FILIP1L: variants seen among roughly 807,000 people sequenced by gnomAD.
FILIP1L encodes filamin A-interacting protein 1-like.
A neutral mutation model predicts 96.6 loss-of-function variants in FILIP1L; 55 were observed. The ratio of observed to expected loss-of-function variants is 0.57; its 90% confidence interval spans 0.46 to 0.71. FILIP1L has a LOEUF of 0.71. FILIP1L is among the 30% of genes least tolerant of loss of function. FILIP1L has a pLI of 0.00. For synonymous variants in FILIP1L, 467 were observed against 473.9 expected (o/e 0.99, Z 0.19); for missense variants, 1,304 against 1,321.2 (o/e 0.99, Z 0.20).
intron 4 of FILIP1L, among the ~76,000 whole-genome samples, chr3:99,907,128 G>A (rs2107634447): frequency 6.6e-6 from 1 of 152,204 alleles, no homozygotes; most frequent in East Asian, 1.9e-4. Context: ...AGCATATACT[G>A]GAAGCAGCCC....
intron 1 of FILIP1L, among the ~76,000 whole-genome samples, chr3:100,029,322 C>T (rs545035016): frequency 3.4e-4 from 51 of 151,942 alleles, no homozygotes; most frequent in Non-Finnish European, 6.8e-4. Flanking sequence ...GTTTTAGTCA[C>T]ATAACACTAT....
At chr3:99,989,693 CT>C (rs199895279) in intron 1 of FILIP1L, among the ~76,000 whole-genome samples, 1 of 140,522 alleles carries the variant, frequency 7.1e-6, no homozygotes. Context: ...TATTTTTTTT[CT>C]TTTTTTTGCA....
chr3:100,025,406 TTCTTC>T (rs2064900808), intron 1 of FILIP1L: 1 of 152,228 alleles, frequency 6.6e-6, no homozygotes, highest in African/African-American at 2.4e-5. Flanking sequence ...ATCACTTTCC[TTCTTC>T]TCTTCCTTCC....
intron 1 of FILIP1L, among the ~76,000 whole-genome samples, chr3:100,039,296 T>C (rs1559735764): frequency 6.6e-6 from 1 of 152,194 alleles, no homozygotes; most frequent in Non-Finnish European, 1.5e-5. Context: ...TTGATCACAG[T>C]AGTACAGCCT....
intron 5 of FILIP1L, among the ~76,000 whole-genome samples, chr3:99,833,574 G>A (rs970903176): frequency 3.9e-5 from 6 of 152,224 alleles, no homozygotes; most frequent in Admixed American, 3.3e-4. Flanking sequence ...TCAGATCTCA[G>A]ACAGCTGGAG....
chr3:100,056,840 T>TA (rs1435737184), intron 1 of FILIP1L, among the ~76,000 whole-genome samples: 2 of 151,866 alleles, frequency 1.3e-5, no homozygotes, highest in Admixed American at 1.3e-4. Context: ...CCGTCTCTAC[T>TA]AAAAATACAA....
intron 5 of FILIP1L, among the ~76,000 whole-genome samples, chr3:99,846,540 A>G (rs1473650620): frequency 1.3e-5 from 2 of 152,236 alleles, no homozygotes; most frequent in African/African-American, 4.8e-5. Flanking sequence ...GTATTTTGTA[A>G]TACAGTTGGG....
At chr3:99,981,467 C>G (rs1349241244) in intron 1 of FILIP1L, among the ~76,000 whole-genome samples, 2 of 152,082 alleles carry the variant, frequency 1.3e-5, no homozygotes, top group Admixed American at 6.5e-5. Flanking sequence ...ATTAGTATTC[C>G]TAGCACTCAC....
intron 4 of FILIP1L, among the ~76,000 whole-genome samples, chr3:99,894,222 A>G (rs1003415485): frequency 6.6e-6 from 1 of 152,236 alleles, no homozygotes; most frequent in Non-Finnish European, 1.5e-5. Context: ...ATTGCATAAG[A>G]TACATAAATA....
intron 4 of FILIP1L, among the ~76,000 whole-genome samples, chr3:99,896,864 T>G (rs1346231445): frequency 6.6e-6 from 1 of 152,176 alleles, no homozygotes; most frequent in East Asian, 1.9e-4. Flanking sequence ...AAAAATAATT[T>G]TCATAACAAA....
At chr3:99,998,156 G>A (rs1168493544) in intron 1 of FILIP1L, among the ~76,000 whole-genome samples, 1 of 152,174 alleles carries the variant, frequency 6.6e-6, no homozygotes, top group African/African-American at 2.4e-5. Context: ...AGCAAGATCT[G>A]TTACCATCTG....
At chr3:99,917,670 G>A (rs1346569902) in intron 4 of FILIP1L, among the ~76,000 whole-genome samples, 1 of 152,132 alleles carries the variant, frequency 6.6e-6, no homozygotes, top group African/African-American at 2.4e-5. Flanking sequence ...GTATTAACAG[G>A]AATAAAAAAG....
intron 1 of FILIP1L, among the ~76,000 whole-genome samples, chr3:100,092,792 T>C (rs2066133491): frequency 6.6e-6 from 1 of 151,522 alleles, no homozygotes; most frequent in Non-Finnish European, 1.5e-5. Flanking sequence ...CCTTTAGAAT[T>C]AAGTGACTAA....
intron 1 of FILIP1L, among the ~76,000 whole-genome samples, chr3:100,071,090 CTTTTTT>C (rs61563009): frequency 1.4e-3 from 102 of 70,584 alleles, no homozygotes; most frequent in African/African-American, 3.9e-3. Context: ...GCTACTCTCT[CTTTTTT>C]TTTTTTTTTT....
chr3:100,000,074 G>A (rs979181190), intron 1 of FILIP1L, among the ~76,000 whole-genome samples: 3 of 152,086 alleles, frequency 2.0e-5, no homozygotes, highest in African/African-American at 7.2e-5. Flanking sequence ...TTTTGAAAGC[G>A]CCCAAGTTGA....
intron 1 of FILIP1L, among the ~76,000 whole-genome samples, chr3:100,042,211 T>C (rs1212622405): frequency 6.6e-6 from 1 of 152,222 alleles, no homozygotes; most frequent in Non-Finnish European, 1.5e-5. Context: ...CTGAAATTTT[T>C]TAAAGCCCAC....
chr3:99,909,915 A>G (rs1706739609), intron 4 of FILIP1L, among the ~76,000 whole-genome samples: 1 of 152,120 alleles, frequency 6.6e-6, no homozygotes, highest in South Asian at 2.1e-4. Flanking sequence ...GAGTTCATTT[A>G]TCATTGTCAA....
chr3:99,996,264 CT>C (rs1709677544), intron 1 of FILIP1L, among the ~76,000 whole-genome samples: 2 of 152,204 alleles, frequency 1.3e-5, no homozygotes, highest in Non-Finnish European at 2.9e-5. Context: ...CTGCCAATCT[CT>C]TTGCTAAAAC....
intron 4 of FILIP1L, among the ~76,000 whole-genome samples, chr3:99,905,863 T>C (rs1371388997): frequency 2.0e-5 from 3 of 152,260 alleles, no homozygotes; most frequent in Admixed American, 1.3e-4. Flanking sequence ...AAACTCTAGT[T>C]GCTTCACTTC....
Sources: gnomAD v4.1 joint callset for allele counts (sites outside exome capture counted in the v4.1 genomes callset) on GRCh38, gnomAD v4.1.1 for gene constraint, MANE v1.5 for transcripts, NCBI Gene and HGNC (gene_info 2026-07-23, HGNC 2026-07-21) for gene names.